The following ERC1 variants were observed in gnomAD, a reference collection of about 807,000 sequenced individuals.
ERC1 encodes the protein RAB6 interacting protein 2.
In ERC1, 56 loss-of-function variants were observed where a neutral mutation model predicts 132.0. The observed-to-expected ratio is 0.42, with a 90% CI of 0.34 to 0.53. The LOEUF is 0.53. Among genes scored for constraint, ERC1 ranks in the 20% least tolerant of loss-of-function variants. The pLI, the probability that ERC1 is intolerant of heterozygous loss-of-function variation, is 0.03. For synonymous variants in ERC1, 478 were observed against 476.1 expected (o/e 1.00, Z -0.05); for missense variants, 1,202 against 1,349.9 (o/e 0.89, Z 1.72).
At position 1,485,483 on chromosome 12, in the gene ERC1, G is replaced by A. The variant is rs572099895; in HGVS notation, c.3214-4610G>A. On this transcript the variant is annotated intron_variant, in intron 18 of 18. Coordinates refer to ENST00000360905, the MANE Select transcript of ERC1 (RefSeq NM_178040.4). The stretch of plus-strand genomic sequence containing the variant: ...CTCCTAAAGTGCTGGGATTACAGGC[G>A]TGAGCCACTGCATCTGGCCATATTT... Among the ~76,000 whole-genome samples the A allele has an allele frequency of 3.3e-4, 50 of 152,238 alleles. No homozygotes were observed. In the South Asian group the frequency reaches 3.3e-3, roughly 10 times the overall value.
intron 15 of ERC1, among the ~76,000 whole-genome samples, chr12:1,324,166 G>C (rs1156886008): frequency 2.0e-5 from 3 of 152,126 alleles, no homozygotes; most frequent in Non-Finnish European, 4.4e-5. Flanking sequence ...GAATATAGTG[G>C]GTTTAAAACG....
At chr12:1,095,973 T>G (rs1273933098) in intron 3 of ERC1, among the ~76,000 whole-genome samples, 1 of 150,870 alleles carries the variant, frequency 6.6e-6, no homozygotes, top group Non-Finnish European at 1.5e-5. Context: ...CTTTGTCACC[T>G]AGAGTGCAGT....
chr12:1,019,639 A>C (rs1592730473), intron 1 of ERC1, among the ~76,000 whole-genome samples: 1 of 152,314 alleles, frequency 6.6e-6, no homozygotes, highest in East Asian at 1.9e-4. Flanking sequence ...TCCCTTACCC[A>C]TCTGGAGAAT....
At chr12:1,237,737 C>G (rs1216532418) in intron 13 of ERC1, among the ~76,000 whole-genome samples, 1 of 152,212 alleles carries the variant, frequency 6.6e-6, no homozygotes, top group African/African-American at 2.4e-5. Flanking sequence ...TTGTCTTGAT[C>G]ATAATGCTTC....
rs1015181197 is a variant in ERC1, at chr12:1,438,954, A to AAAAAAAATATAT, written c.3025-5607_3025-5606insAAAAAATATATA. Among the ~76,000 whole-genome samples the AAAAAAAATATAT allele has an allele frequency of 5.1e-3, 731 of 143,480 alleles. 7 individuals carry two copies. The highest frequency in any genetic ancestry group is 0.018 in the African/African-American group (705 of 38,130). The allele number at this position is 143,480 out of a possible 152,430, so 94.1% of individuals were successfully genotyped here. On this transcript the variant is annotated intron_variant, in intron 17 of 18. Coordinates refer to ENST00000360905, the MANE Select transcript of ERC1 (RefSeq NM_178040.4). ...GAGACCTTGTCTCAATTTAAAAAAA[A>AAAAAAAATATAT]ATATATATATATATATAAAAAATGA... is the stretch of plus-strand genomic sequence containing the variant.
At chr12:1,418,627 CTTTCTTTCTTTCTT>C (rs1195953375) in intron 17 of ERC1, among the ~76,000 whole-genome samples, 2,042 of 119,328 alleles carry the variant, frequency 0.017, 49 homozygotes, top group African/African-American at 0.053. Context: ...TTCTTTCTTT[CTTTCTTTCTTTCTT>C]TCTCTCTCTC....
chr12:1,052,284 C>T (rs1245443279), intron 2 of ERC1, among the ~76,000 whole-genome samples: 1 of 152,140 alleles, frequency 6.6e-6, no homozygotes, highest in African/African-American at 2.4e-5. Flanking sequence ...ATTAGCCTGA[C>T]ATTTATTGTC....
intron 16 of ERC1, among the ~76,000 whole-genome samples, chr12:1,377,191 T>C (rs2088036614): frequency 1.3e-5 from 2 of 152,228 alleles, no homozygotes; most frequent in African/African-American, 4.8e-5. Flanking sequence ...AAGTGAATAA[T>C]ATTTTGAGTA....
chr12:1,247,194 G>A (rs1399290129), intron 13 of ERC1, among the ~76,000 whole-genome samples: 3 of 151,718 alleles, frequency 2.0e-5, no homozygotes, highest in Non-Finnish European at 2.9e-5. Flanking sequence ...GCGCCACTGC[G>A]CTTCAGCCTG....
chr12:1,488,104 C>G (rs113386710), intron 18 of ERC1, among the ~76,000 whole-genome samples: 8,333 of 149,076 alleles, frequency 0.056, 746 homozygotes, highest in African/African-American at 0.19. Context: ...CGCCACTGCA[C>G]TCCAGCCTGG....
intron 12 of ERC1, among the ~76,000 whole-genome samples, chr12:1,200,598 G>C (rs938927688): frequency 6.7e-6 from 1 of 148,724 alleles, no homozygotes; most frequent in Admixed American, 6.8e-5. Context: ...TCTCTCTGTC[G>C]CCCAGGCTGG....
At position 1,495,064 on chromosome 12, in the gene ERC1, G is replaced by A. The variant is rs2094347377; in HGVS notation, c.*4834G>A. The A allele has an allele frequency of 8.7e-6, 2 of 229,444 alleles. No individual in the cohort carries two copies. The highest frequency in any genetic ancestry group is 6.2e-5 in the East Asian group (1 of 16,132). 14.2% of individuals were successfully genotyped at this position (229,444 alleles called of 1,614,324 possible). Reference sequence around the variant, plus strand: ...TCCTATACATGTTCAGGACCTCTGGGTAGAGGTTTCACAGTTTGTGACCCC... The same window carrying A: ...TCCTATACATGTTCAGGACCTCTGGATAGAGGTTTCACAGTTTGTGACCCC... On this transcript the variant is annotated 3_prime_UTR_variant, in exon 19 of 19. Transcript: ENST00000360905.
intron 6 of ERC1, among the ~76,000 whole-genome samples, chr12:1,113,917 T>G (rs946587372): frequency 6.6e-6 from 1 of 152,246 alleles, no homozygotes; most frequent in Non-Finnish European, 1.5e-5. Context: ...TGCAAAGCCT[T>G]GTGCTCCTAA....
intron 18 of ERC1, among the ~76,000 whole-genome samples, chr12:1,484,959 T>C (rs912681610): frequency 6.6e-6 from 1 of 151,308 alleles, no homozygotes; most frequent in Non-Finnish European, 1.5e-5. Flanking sequence ...CATAGCTCAT[T>C]GCAGCCTCAA....
At chr12:1,242,308 T>C (rs1248994958) in intron 13 of ERC1, among the ~76,000 whole-genome samples, 1 of 152,228 alleles carries the variant, frequency 6.6e-6, no homozygotes, top group Non-Finnish European at 1.5e-5. Flanking sequence ...ACTTAAAGAA[T>C]ATTATCACTT....
chr12:1,382,464 C>T (rs1478987412), intron 16 of ERC1, among the ~76,000 whole-genome samples: 1 of 152,196 alleles, frequency 6.6e-6, no homozygotes, highest in Non-Finnish European at 1.5e-5. Flanking sequence ...TTATACAAAT[C>T]TCTTTATGTC....
At chr12:1,477,030 C>T (rs1170444594) in intron 18 of ERC1, among the ~76,000 whole-genome samples, 1 of 152,110 alleles carries the variant, frequency 6.6e-6, no homozygotes, top group Non-Finnish European at 1.5e-5. Flanking sequence ...GTAAAGGGAA[C>T]ATTCACCAAG....
intron 16 of ERC1, among the ~76,000 whole-genome samples, chr12:1,398,930 CTTT>C (rs1162145460): frequency 3.2e-5 from 3 of 93,902 alleles, no homozygotes; most frequent in African/African-American, 4.4e-5. Context: ...TTTTCTCCTA[CTTT>C]TTTTTTTTTT....
At chr12:1,154,213 G>GTATGTATATGTA (rs140140472) in intron 8 of ERC1, among the ~76,000 whole-genome samples, 11,701 of 142,908 alleles carry the variant, frequency 0.082, 565 homozygotes, top group Middle Eastern at 0.11. Flanking sequence ...GTGTGTGTGT[G>GTATGTATATGTA]TATGTATATG....
Sources: allele counts gnomAD v4.1 joint callset (sites outside exome capture counted in the v4.1 genomes callset), GRCh38; gene constraint gnomAD v4.1.1; transcripts MANE v1.5; gene names NCBI Gene and HGNC (gene_info 2026-07-23, HGNC 2026-07-21).